PCDH15: variants seen among roughly 807,000 people sequenced by gnomAD.
PCDH15 encodes the protein protocadherin-15.
A neutral mutation model predicts 178.5 loss-of-function variants in PCDH15; 129 were observed. That is an observed-to-expected ratio of 0.72 (90% CI 0.63 to 0.84). The LOEUF (loss-of-function observed/expected upper bound fraction) is 0.84, where lower values mean the gene tolerates loss of function less well. Among genes scored for constraint, PCDH15 ranks in the 40% least tolerant of loss-of-function variants. The pLI is 0.00. For synonymous variants in PCDH15, 800 were observed against 732.0 expected (o/e 1.09, Z -1.50); for missense variants, 2,230 against 2,099.9 (o/e 1.06, Z -1.21).
intron 10 of PCDH15, among the ~76,000 whole-genome samples, chr10:54,200,892 A>G (rs1322655504): frequency 6.6e-6 from 1 of 152,080 alleles, no homozygotes; most frequent in Non-Finnish European, 1.5e-5. Context: ...TGTCAGTACT[A>G]TTATGACTCC....
chr10:55,611,309 A>G (rs1023647419), intron 2 of PCDH15, among the ~76,000 whole-genome samples: 1 of 152,114 alleles, frequency 6.6e-6, no homozygotes, highest in Non-Finnish European at 1.5e-5. Flanking sequence ...ATTCAACTCA[A>G]TAACAATAAA....
intron 2 of PCDH15, among the ~76,000 whole-genome samples, chr10:54,561,791 A>G (rs2088196705): frequency 6.6e-6 from 1 of 151,896 alleles, no homozygotes; most frequent in Admixed American, 6.6e-5. Context: ...TAAAATGAAA[A>G]AAACCTTAAT....
intron 2 of PCDH15, among the ~76,000 whole-genome samples, chr10:55,464,005 GAAAGAA>G (rs1839766391): frequency 1.5e-5 from 1 of 66,962 alleles, no homozygotes; most frequent in African/African-American, 6.4e-5. Context: ...AAGAAAGAAA[GAAAGAA>G]AGAAAGAAAG....
chr10:54,974,487 T>C (rs1359345978), intron 2 of PCDH15, among the ~76,000 whole-genome samples: 1 of 151,694 alleles, frequency 6.6e-6, no homozygotes, highest in Non-Finnish European at 1.5e-5. Context: ...CGTGTGTGTA[T>C]ATATGTATAT....
At chr10:53,860,525 G>A (rs1234614925) in intron 27 of PCDH15, among the ~76,000 whole-genome samples, 3 of 152,094 alleles carry the variant, frequency 2.0e-5, no homozygotes, top group Non-Finnish European at 4.4e-5. Flanking sequence ...GAGGCCAAGA[G>A]TTTGAGAGCA....
intron 1 of PCDH15, among the ~76,000 whole-genome samples, chr10:54,754,968 G>GA: frequency 9.9e-6 from 1 of 100,994 alleles, no homozygotes; most frequent in South Asian, 3.2e-4. Flanking sequence ...TTTTTTTTTG[G>GA]GAGACAGACT....
intron 2 of PCDH15, among the ~76,000 whole-genome samples, chr10:55,473,188 G>T (rs566812447): frequency 1.3e-5 from 2 of 152,216 alleles, no homozygotes; most frequent in East Asian, 3.9e-4. Flanking sequence ...GTTAATTCAG[G>T]TTTGTGGAAT....
chr10:54,398,887 G>A (rs1323661344), intron 3 of PCDH15, among the ~76,000 whole-genome samples: 1 of 152,034 alleles, frequency 6.6e-6, no homozygotes, highest in Non-Finnish European at 1.5e-5. Context: ...TTAGTGGTAT[G>A]TATACAAACC....
chr10:54,192,042 A>C (rs1564642529), intron 11 of PCDH15, among the ~76,000 whole-genome samples: 2 of 150,516 alleles, frequency 1.3e-5, no homozygotes, highest in African/African-American at 4.9e-5. Context: ...GGAGAGAAGG[A>C]AGGAAGGCAG....
At chr10:54,747,489 C>T (rs895540765) in intron 1 of PCDH15, among the ~76,000 whole-genome samples, 4 of 152,146 alleles carry the variant, frequency 2.6e-5, no homozygotes, top group Admixed American at 2.6e-4. Flanking sequence ...GACTCTTACA[C>T]CTACAAAGAG....
intron 10 of PCDH15, among the ~76,000 whole-genome samples, chr10:54,203,950 A>G (rs1374474478): frequency 2.6e-5 from 4 of 152,210 alleles, no homozygotes; most frequent in African/African-American, 9.6e-5. Context: ...TAAATTATAT[A>G]TCCTGTCTTT....
intron 15 of PCDH15, among the ~76,000 whole-genome samples, chr10:54,117,080 G>C (rs977045391): frequency 6.6e-6 from 1 of 152,128 alleles, no homozygotes; most frequent in Admixed American, 6.5e-5. Flanking sequence ...TGTGACTGCT[G>C]GGCTTGTTCC....
At chr10:55,590,241 C>T (rs1271278296) in intron 2 of PCDH15, among the ~76,000 whole-genome samples, 43 of 147,376 alleles carry the variant, frequency 2.9e-4, no homozygotes, top group Admixed American at 8.5e-4. Flanking sequence ...CATGTTCTCA[C>T]TCATAGGTGG....
At chr10:54,086,598 G>A (rs2094520701) in intron 16 of PCDH15, among the ~76,000 whole-genome samples, 1 of 152,158 alleles carries the variant, frequency 6.6e-6, no homozygotes, top group African/African-American at 2.4e-5. Context: ...GCATTGAAAT[G>A]TATTGCTAGT....
At chr10:54,595,418 T>A (rs2092173531) in intron 2 of PCDH15, among the ~76,000 whole-genome samples, 1 of 151,716 alleles carries the variant, frequency 6.6e-6, no homozygotes, top group African/African-American at 2.4e-5. Context: ...ACCCTCAAGG[T>A]CATAAAATAG....
intron 2 of PCDH15, among the ~76,000 whole-genome samples, chr10:55,563,517 A>G (rs1842242005): frequency 6.6e-6 from 1 of 151,902 alleles, no homozygotes; most frequent in Non-Finnish European, 1.5e-5. Context: ...GGAAGGGAGA[A>G]AATCTGATTT....
At chr10:54,105,339 TACACAC>T (rs59388031) in intron 15 of PCDH15, among the ~76,000 whole-genome samples, 1 of 134,996 alleles carries the variant, frequency 7.4e-6, no homozygotes, top group Non-Finnish European at 1.6e-5. Flanking sequence ...TACATATATA[TACACAC>T]ACACACACAC....
intron 3 of PCDH15, among the ~76,000 whole-genome samples, chr10:54,891,259 G>A (rs1018407506): frequency 1.3e-5 from 2 of 152,068 alleles, no homozygotes; most frequent in African/African-American, 2.4e-5. Context: ...GAAATGCTGA[G>A]AGAAAAAATA....
intron 3 of PCDH15, among the ~76,000 whole-genome samples, chr10:54,431,904 A>G (rs7922009): frequency 0.053 from 8,057 of 152,206 alleles, 722 homozygotes; most frequent in African/African-American, 0.18. Flanking sequence ...CAAATTCAGG[A>G]AAGTTGCAGG....
Sources: gnomAD v4.1 joint callset for allele counts (sites outside exome capture counted in the v4.1 genomes callset) on GRCh38, gnomAD v4.1.1 for gene constraint, MANE v1.5 for transcripts, NCBI Gene and HGNC (gene_info 2026-07-23, HGNC 2026-07-21) for gene names.